Variants in PABPN1 observed in about 807,000 individuals in gnomAD.
PABPN1 encodes the protein poly(A) binding protein nuclear 1.
A neutral mutation model predicts 33.4 loss-of-function variants in PABPN1; 5 were observed. The ratio of observed to expected loss-of-function variants is 0.15; its 90% CI spans 0.08 to 0.32. The LOEUF is 0.32. PABPN1 is among the 10% of genes least tolerant of loss of function. The pLI is 1.00. For missense variants in PABPN1, 312 were observed against 425.8 expected (o/e 0.73, Z 2.35); for synonymous variants, 176 against 170.6 (o/e 1.03, Z -0.25).
At position 23,322,420 on chromosome 14, in the gene PABPN1, G is replaced by T. The variant is rs180865983; in HGVS notation, c.466+125G>T. On this transcript the variant is annotated intron_variant, in intron 2 of 6. Coordinates refer to ENST00000216727, the MANE Select transcript of PABPN1 (RefSeq NM_004643.4). ...TGCTTGTCTGAGCTATTATGACTGT[G>T]CCGCGGTCATAGTCCGTTGTGTGTT... 82 of 852,404 alleles carry T rather than the reference G, an allele frequency of 9.6e-5. No individual in the cohort carries two copies. In the East Asian group the frequency reaches 2.1e-3, roughly 22 times the overall value. 52.8% of individuals were successfully genotyped at this position (852,404 alleles called of 1,614,324 possible).
chr14:23,322,566 G>A (rs943438862), intron 2 of PABPN1: 8 of 511,038 alleles, frequency 1.6e-5, no homozygotes, highest in Admixed American at 6.4e-5. Flanking sequence ...CTTTGTAGAG[G>A]TTGCGTGCTC....
intron 6 of PABPN1, chr14:23,324,999 CCT>C (rs746498921): frequency 8.4e-6 from 4 of 474,612 alleles, no homozygotes; most frequent in East Asian, 3.2e-5. Flanking sequence ...TTTCCTTGCC[CCT>C]GTCTCTCACT....
Position 23,326,017 on chromosome 14 carries a change from C to CT in PABPN1, c.*737dup, listed in dbSNP as rs1239537150. 6.9e-6 allele frequency: 1 copy of CT among 145,118 alleles called. No homozygotes were observed. Among genetic ancestry groups the CT allele is most frequent in the Non-Finnish European group, 1.5e-5 (1 of 66,154 alleles). 9.0% of individuals were successfully genotyped at this position (145,118 alleles called of 1,614,324 possible). On this transcript the variant is annotated 3_prime_UTR_variant, in exon 7 of 7. Transcript: ENST00000216727. ...TTTGTTTTTTTTTTTTTTCCTTTGC[C>CT]TTTTTTCCCTTTTATTTGGAGGGAA...
At position 23,322,256 on chromosome 14, in the gene PABPN1, G is replaced by GTC; in HGVS notation, c.428_429insCT (p.Glu144Ter). 1 of 1,609,968 alleles carries GTC rather than the reference G, an allele frequency of 6.2e-7. No individual in the cohort carries two copies. ...GAAGCTAAAGGAGCTACAGAACGAG[G>GTC]TAGAGAAGCAGATGAATATGAGTCC... On this transcript the variant is annotated frameshift_variant, in exon 2 of 7. Coordinates refer to ENST00000216727, the MANE Select transcript of PABPN1 (RefSeq NM_004643.4). LOFTEE classifies it high-confidence loss of function.
intron 2 of PABPN1, 147 bp from the exon 3 acceptor site, chr14:23,322,852 C>T (rs1240005132): frequency 3.2e-6 from 3 of 926,050 alleles, no homozygotes; most frequent in Admixed American, 1.8e-5. Flanking sequence ...GCACTATTCT[C>T]GGTTGTGGGT....
At chr14:23,322,869 G>C in intron 2 of PABPN1, 130 bp from the exon 3 acceptor site, 1 of 1,176,294 alleles carries the variant, frequency 8.5e-7, no homozygotes, top group East Asian at 2.3e-5. Flanking sequence ...GGGTACAGCA[G>C]GGAACAGCAC....
In PABPN1 at chr14:23,323,949, T is replaced by A; in HGVS notation, c.642-16T>A. On this transcript the variant is annotated splice_polypyrimidine_tract_variant and intron_variant, in intron 4 of 6. Coordinates refer to ENST00000216727, the MANE Select transcript of PABPN1 (RefSeq NM_004643.4). The stretch of plus-strand genomic sequence containing the variant: ...TATTTGTAACCTCAGAGAGATACAA[T>A]GACAATTCTTTTCAGGTTTGCGTAT... The A allele has an allele frequency of 6.2e-7, 1 of 1,613,896 alleles. No homozygotes were observed. The highest frequency in any genetic ancestry group is 8.5e-7 in the Non-Finnish European group (1 of 1,179,932).
chr14:23,322,052 T>C, intron 1 of PABPN1, 129 bp from the exon 2 acceptor site: 1 of 1,031,266 alleles, frequency 9.7e-7, no homozygotes, highest in Non-Finnish European at 1.5e-6. Flanking sequence ...TTTTCTTTTA[T>C]CACGACCCTC....
chr14:23,322,022 G>A (rs887315742), intron 1 of PABPN1, 159 bp from the exon 2 acceptor site: 20 of 849,962 alleles, frequency 2.4e-5, no homozygotes, highest in Non-Finnish European at 3.2e-5. Flanking sequence ...GTTGCCTAGT[G>A]TTGTTCTAGA....
chr14:23,322,539 AGTCTAC>A (rs1306128913), intron 2 of PABPN1: 7 of 543,958 alleles, frequency 1.3e-5, no homozygotes, highest in Admixed American at 3.1e-5. Context: ...CTTTGTTCTT[AGTCTAC>A]GTCTATCTTT....
Position 23,323,086 on chromosome 14 carries a change from CTG to C in PABPN1, c.534+21_534+22del. 4 of 1,613,908 alleles carry C rather than the reference CTG, an allele frequency of 2.5e-6. No individual in the cohort carries two copies. Among genetic ancestry groups the C allele is most frequent in the Non-Finnish European group, 3.4e-6 (4 of 1,179,892 alleles). On this transcript the variant is annotated intron_variant, in intron 3 of 6. Coordinates refer to ENST00000216727, the MANE Select transcript of PABPN1 (RefSeq NM_004643.4). ...GGCAATGTACGTACTGGGGCTCTGA[CTG>C]GGGTTGGGGGCAAGTTCTTCTTTTG...
At chr14:23,323,176 G>A (rs1756947999) in intron 3 of PABPN1, 110 bp downstream of exon 3, 4 of 1,494,254 alleles carry the variant, frequency 2.7e-6, no homozygotes, top group Non-Finnish European at 2.8e-6. Flanking sequence ...GGGTGTGGAG[G>A]GAGTGTGGGA....
intron 4 of PABPN1, 57 bp downstream of exon 4, chr14:23,323,540 TTA>T: frequency 6.7e-7 from 1 of 1,487,638 alleles, no homozygotes; most frequent in South Asian, 1.1e-5. Context: ...AATAGATAAA[TTA>T]TGTTTTATAT....
rs1204501680 is a variant in PABPN1, at chr14:23,321,708, C to T, written c.239C>T (p.Pro80Leu). The T allele has an allele frequency of 3.2e-6, 5 of 1,541,098 alleles. No homozygotes were observed. Among genetic ancestry groups the T allele is most frequent in the Non-Finnish European group, 4.4e-6 (5 of 1,142,656 alleles). Reference protein sequence around the residue: ...PEEEPPRPRAPPGAPGPGPGS... With the variant: ...PEEEPPRPRALPGAPGPGPGS... ...GAGGAGCCGCCCCGGCCCCGCGCCCCCCCGGGAGCTCCGGGCCCTGGGCCT... is the reference window on the plus strand; with the variant it reads ...GAGGAGCCGCCCCGGCCCCGCGCCCTCCCGGGAGCTCCGGGCCCTGGGCCT... Residue 80 changes from proline (P) to leucine (L), a missense_variant, in exon 1 of 7, where the codon CCC becomes CTC. By Grantham distance (98) the Pro-to-Leu change is moderately conservative. Around this residue, in one of 3 missense-constraint regions of PABPN1, gnomAD observed 167 missense variants for 168.9 expected, o/e 0.99. Transcript: ENST00000216727.
chr14:23,322,134 G>A (rs772425222), intron 1 of PABPN1, 47 bp from the exon 2 acceptor site: 3 of 1,557,234 alleles, frequency 1.9e-6, no homozygotes, highest in Admixed American at 1.9e-5. Context: ...CAGCCCCTGC[G>A]TTGGTTCCTC....
rs936426941 is a variant in PABPN1, at chr14:23,324,318, C to T, written c.881+29C>T. 8 of 1,607,348 alleles carry T rather than the reference C, an allele frequency of 5.0e-6. No homozygotes were observed. In the Admixed American group the frequency reaches 6.7e-5, roughly 13 times the overall value. ...AGGATAGATGGGCTGCTCCTCTTTC[C>T]CCCGCCTCCCGTGAGCCCCGTATGC... On this transcript the variant is annotated intron_variant, in intron 6 of 6. Coordinates refer to ENST00000216727, the MANE Select transcript of PABPN1 (RefSeq NM_004643.4).
intron 3 of PABPN1, 33 bp from the exon 4 acceptor site, chr14:23,323,344 C>G (rs781020011): frequency 1.2e-6 from 2 of 1,606,880 alleles, no homozygotes; most frequent in South Asian, 2.2e-5. Context: ...AGGAATTTGC[C>G]TGGTGCCTGT....
rs1390675099 is a variant in PABPN1 at position 23,325,502 on chromosome 14, AG to A, written c.*221del. The A allele has an allele frequency of 3.3e-6, 2 of 609,300 alleles. No individual in the cohort carries two copies. Among genetic ancestry groups the A allele is most frequent in the Non-Finnish European group, 5.6e-6 (2 of 359,090 alleles). 37.7% of individuals were successfully genotyped at this position (609,300 alleles called of 1,614,324 possible). A position where few individuals can be genotyped will look rare whatever the true frequency, so the allele number is the denominator to read the frequency against. On this transcript the variant is annotated 3_prime_UTR_variant, in exon 7 of 7. Transcript: ENST00000216727. ...TAGGGGAAGGCCCAGGGAGTGGGGC[AG>A]GGGGCTGCTTATTCACTCTGGGGAT...
chr14:23,324,540 A>C (rs1253180529), intron 6 of PABPN1: 1 of 588,528 alleles, frequency 1.7e-6, no homozygotes, highest in Non-Finnish European at 3.0e-6. Context: ...TTCCACCCCC[A>C]GCCTTTTTTT....
Sources: allele counts gnomAD v4.1 joint callset, GRCh38; gene constraint gnomAD v4.1.1; regional missense constraint gnomAD v4.1.1; transcripts MANE v1.5; gene names NCBI Gene and HGNC (gene_info 2026-07-23, HGNC 2026-07-21).